The following TP63 variants were observed in gnomAD, a reference collection of about 807,000 sequenced individuals.
TP63 encodes the protein tumor protein p63.
TP63 carries 17 observed loss-of-function variants against 82.8 expected under a neutral mutation model. The observed-to-expected ratio is 0.21, with a 90% CI of 0.14 to 0.31. The LOEUF is 0.31. Among genes scored for constraint, TP63 ranks in the 10% least tolerant of loss-of-function variants. The probability of loss-of-function intolerance (pLI) is 1.00; values close to 1 mark genes in which losing one functional copy is unlikely to be tolerated. For synonymous variants in TP63, 330 were observed against 321.7 expected (o/e 1.03, Z -0.28); for missense variants, 648 against 895.3 (o/e 0.72, Z 3.52).
intron 1 of TP63, among the ~76,000 whole-genome samples, chr3:189,638,781 G>A (rs891240580): frequency 2.0e-5 from 3 of 152,128 alleles, no homozygotes; most frequent in Non-Finnish European, 1.5e-5. Context: ...AGATTACATC[G>A]ATGCCTCTCT....
chr3:189,691,050 A>T (rs189263413), intron 1 of TP63, among the ~76,000 whole-genome samples: 11 of 152,202 alleles, frequency 7.2e-5, no homozygotes, highest in African/African-American at 2.4e-4. Context: ...AAGGTAATTG[A>T]TTGTGGCTCG....
chr3:189,658,980 G>A (rs984237106), intron 1 of TP63, among the ~76,000 whole-genome samples: 2 of 151,944 alleles, frequency 1.3e-5, no homozygotes, highest in Non-Finnish European at 2.9e-5. Flanking sequence ...TCAGGGTAAA[G>A]GGAAACTGTC....
chr3:189,623,109 A>G, the TP63 span, among the ~76,000 whole-genome samples: 139 of 152,292 alleles, frequency 9.1e-4, no homozygotes, highest in Non-Finnish European at 1.7e-3. Flanking sequence ...TACACCCCCA[A>G]AAGAAATCAT....
At chr3:189,872,803 T>A (rs1216000700) in intron 9 of TP63, 56 bp from the exon 10 acceptor site, 12 of 1,612,450 alleles carry the variant, frequency 7.4e-6, no homozygotes, top group Non-Finnish European at 1.0e-5. Flanking sequence ...TGACCACACT[T>A]CTAACAGTTC....
chr3:189,686,647 T>A (rs141712736), intron 1 of TP63, among the ~76,000 whole-genome samples: 23 of 139,476 alleles, frequency 1.6e-4, no homozygotes, highest in Admixed American at 3.9e-4. Flanking sequence ...TAGCAAAGTT[T>A]ACAAACTTGC....
At position 189,808,262 on chromosome 3, in the gene TP63, G is replaced by A. The variant is rs765115024; in HGVS notation, c.325-10G>A. On this transcript the variant is annotated splice_polypyrimidine_tract_variant and intron_variant, in intron 3 of 13. Coordinates refer to ENST00000264731, the MANE Select transcript of TP63 (RefSeq NM_003722.5). ...GCGGCTAATATTGGGGTTTCTGGGT[G>A]TCCTTGCAGCCACAGTACACGAACC... 2 of 1,614,204 alleles carry A rather than the reference G, an allele frequency of 1.2e-6. No homozygotes were observed. The highest frequency in any genetic ancestry group is 2.2e-5 in the South Asian group (2 of 91,086).
the TP63 span, among the ~76,000 whole-genome samples, chr3:189,613,647 T>G: frequency 6.6e-6 from 1 of 152,120 alleles, no homozygotes; most frequent in Non-Finnish European, 1.5e-5. Context: ...GCTTGCATAG[T>G]GCACCTGGAA....
At chr3:189,840,463 T>C (rs1305769488) in intron 4 of TP63, among the ~76,000 whole-genome samples, 2 of 143,802 alleles carry the variant, frequency 1.4e-5, no homozygotes, top group African/African-American at 5.2e-5. Context: ...ATAGATTGTG[T>C]ACGTGTGTGT....
chr3:189,864,221 A>T lies in TP63; in HGVS notation c.580-11A>T, dbSNP rs148217164. On this transcript the variant is annotated splice_polypyrimidine_tract_variant and intron_variant, in intron 4 of 13. Coordinates refer to ENST00000264731, the MANE Select transcript of TP63 (RefSeq NM_003722.5). The stretch of plus-strand genomic sequence containing the variant: ...CTCCTTCCTTTCTCCACTGGCCCCA[A>T]CTCTAAGCAGTATTCCACTGAACTG... 380 of 1,614,086 alleles carry T rather than the reference A, an allele frequency of 2.4e-4. 2 individuals are homozygous for T. In the African/African-American group the frequency reaches 4.6e-3, roughly 19 times the overall value.
At chr3:189,742,577 A>G (rs1430843491) in intron 3 of TP63, among the ~76,000 whole-genome samples, 2 of 152,234 alleles carry the variant, frequency 1.3e-5, no homozygotes, top group African/African-American at 2.4e-5. Flanking sequence ...CAAAAGACCA[A>G]TATCTATGTA....
At chr3:189,832,013 G>A (rs1431717658) in intron 4 of TP63, among the ~76,000 whole-genome samples, 1 of 151,624 alleles carries the variant, frequency 6.6e-6, no homozygotes, top group Non-Finnish European at 1.5e-5. Flanking sequence ...TGTATTTGTA[G>A]TAGAGACAGG....
chr3:189,705,869 C>T (rs1718159302), intron 1 of TP63, among the ~76,000 whole-genome samples: 1 of 152,158 alleles, frequency 6.6e-6, no homozygotes, highest in Admixed American at 6.5e-5. Flanking sequence ...GAGAAAGTAT[C>T]AGTCTACTGT....
chr3:189,598,314 C>T, the TP63 span, among the ~76,000 whole-genome samples: 6 of 126,764 alleles, frequency 4.7e-5, no homozygotes, highest in East Asian at 2.2e-4. Context: ...GGGGAGGGAA[C>T]GGAATGGGAG....
At chr3:189,619,591 C>G in the TP63 span, among the ~76,000 whole-genome samples, 1 of 152,156 alleles carries the variant, frequency 6.6e-6, no homozygotes, top group African/African-American at 2.4e-5. Context: ...TAGCCTTTAA[C>G]TGCTTGTTAA....
At chr3:189,880,073 A>C (rs1372746138) in intron 10 of TP63, 1 of 1,613,770 alleles carries the variant, frequency 6.2e-7, no homozygotes, top group Non-Finnish European at 8.5e-7. Context: ...GTCTCCTTTC[A>C]GCCTGCTTCA....
At chr3:189,795,527 G>A (rs1249806639) in intron 3 of TP63, among the ~76,000 whole-genome samples, 1 of 151,980 alleles carries the variant, frequency 6.6e-6, no homozygotes, top group East Asian at 1.9e-4. Context: ...GTGAGGGGAG[G>A]AAAGACATTC....
intron 4 of TP63, among the ~76,000 whole-genome samples, chr3:189,840,332 T>C (rs1160234038): frequency 3.4e-5 from 5 of 148,794 alleles, no homozygotes; most frequent in Non-Finnish European, 7.4e-5. Context: ...AGTTAAGGAA[T>C]TGAGTTTTTT....
chr3:189,686,398 A>G (rs1716441080), intron 1 of TP63, among the ~76,000 whole-genome samples: 1 of 152,130 alleles, frequency 6.6e-6, no homozygotes, highest in Non-Finnish European at 1.5e-5. Context: ...GCAGGGTGGT[A>G]ATGCCAGCAA....
At chr3:189,725,626 T>C (rs1165530586) in intron 1 of TP63, among the ~76,000 whole-genome samples, 4 of 152,006 alleles carry the variant, frequency 2.6e-5, no homozygotes, top group Admixed American at 1.3e-4. Flanking sequence ...CGAGGGAATT[T>C]AGCAATATGG....
Sources: gnomAD v4.1 joint callset for allele counts (sites outside exome capture counted in the v4.1 genomes callset) on GRCh38, gnomAD v4.1.1 for gene constraint, MANE v1.5 for transcripts, NCBI Gene and HGNC (gene_info 2026-07-23, HGNC 2026-07-21) for gene names.